The following PIEZO2 variants were observed in gnomAD, a reference collection of about 807,000 sequenced individuals.
PIEZO2 encodes piezo-type mechanosensitive ion channel component 2.
PIEZO2 carries 172 observed loss-of-function variants against 337.3 expected under a neutral mutation model. That is an observed-to-expected ratio of 0.51 (90% CI 0.45 to 0.58). The LOEUF (loss-of-function observed/expected upper bound fraction) is 0.58, where lower values mean the gene tolerates loss of function less well. PIEZO2 is among the 20% of genes least tolerant of loss of function. PIEZO2 has a pLI of 0.00. For synonymous variants in PIEZO2, 1,251 were observed against 1,228.5 expected (o/e 1.02, Z -0.38); for missense variants, 3,028 against 3,391.3 (o/e 0.89, Z 2.66).
intron 49 of PIEZO2, among the ~76,000 whole-genome samples, chr18:10,684,098 T>TTC (rs1276035639): frequency 2.1e-4 from 6 of 28,982 alleles, no homozygotes; most frequent in South Asian, 1.7e-3. Flanking sequence ...CCTTCCTTCT[T>TTC]TCTCTCTCTC....
chr18:10,879,254 G>C (rs546790881), intron 4 of PIEZO2, among the ~76,000 whole-genome samples: 1 of 152,274 alleles, frequency 6.6e-6, no homozygotes, highest in South Asian at 2.1e-4. Context: ...TGAGACCAAT[G>C]TGTCCATTTT....
At chr18:11,118,536 T>A (rs1248562828) in intron 1 of PIEZO2, among the ~76,000 whole-genome samples, 1 of 152,164 alleles carries the variant, frequency 6.6e-6, no homozygotes, top group Non-Finnish European at 1.5e-5. Flanking sequence ...TGCCAACCAA[T>A]GCTGGAATGT....
Position 10,758,139 on chromosome 18 carries a change from C to T in PIEZO2, c.3758-5G>A. On this transcript the variant is annotated splice_region_variant and splice_polypyrimidine_tract_variant and intron_variant, in intron 26 of 55. Coordinates refer to ENST00000674853, the MANE Select transcript of PIEZO2 (RefSeq NM_001378183.1). ...ACAGAAGCAGCATGAAGTCATCTAA[C>T]AAGACAGAGGTGAGATCATTAAGCC... 1 of 1,537,152 alleles carries T rather than the reference C, an allele frequency of 6.5e-7. No individual in the cohort carries two copies. Among genetic ancestry groups the T allele is most frequent in the Non-Finnish European group, 8.7e-7 (1 of 1,146,644 alleles).
chr18:10,913,494 C>T (rs56067294), intron 3 of PIEZO2, among the ~76,000 whole-genome samples: 3,838 of 152,216 alleles, frequency 0.025, 182 homozygotes, highest in African/African-American at 0.088. Context: ...TCTACATTTC[C>T]ACTGTTTTCT....
chr18:10,725,421 CG>C lies in PIEZO2; in HGVS notation c.5029+5985del. 4 of 1,603,202 alleles carry C rather than the reference CG, an allele frequency of 2.5e-6. No homozygotes were observed. The East Asian group carries it at 6.7e-5, about 27-fold the overall frequency. ...ATTGGCGGTCAACCTGACCAGAGCC[CG>C]CCAGTACTGGTTGGAGGGCATGCTG... On this transcript the variant is annotated intron_variant, in intron 36 of 55. Transcript: ENST00000674853.
chr18:10,923,630 T>C (rs966851856), intron 3 of PIEZO2, among the ~76,000 whole-genome samples: 1 of 152,218 alleles, frequency 6.6e-6, no homozygotes, highest in African/African-American at 2.4e-5. Flanking sequence ...CTCAAATATG[T>C]TTCAGTAGCT....
chr18:10,957,086 AG>A (rs1316361446), intron 3 of PIEZO2, among the ~76,000 whole-genome samples: 13 of 151,972 alleles, frequency 8.6e-5, no homozygotes, highest in African/African-American at 3.1e-4. Flanking sequence ...AAATGGGGAA[AG>A]GACAGTCTCC....
At chr18:10,761,529 C>T (rs2038134434) in intron 23 of PIEZO2, among the ~76,000 whole-genome samples, 2 of 152,170 alleles carry the variant, frequency 1.3e-5, no homozygotes, top group Admixed American at 1.3e-4. Context: ...TTGAACACTC[C>T]TGAAATCTGG....
Position 10,961,392 on chromosome 18 carries a change from T to G in PIEZO2, c.286+18143A>C, listed in dbSNP as rs141730635. On this transcript the variant is annotated intron_variant, in intron 3 of 55. Coordinates refer to ENST00000674853, the MANE Select transcript of PIEZO2 (RefSeq NM_001378183.1). The stretch of plus-strand genomic sequence containing the variant: ...ACGCAAAGGCATAAGAATGATACAA[T>G]GGACTTTGGGACTTGTGGGGAAGTG... Among the ~76,000 whole-genome samples, 572 of 109,956 alleles carry G rather than the reference T, an allele frequency of 5.2e-3. 7 individuals are homozygous for G. Among genetic ancestry groups the G allele is most frequent in the African/African-American group, 0.02 (555 of 27,542 alleles). 72.1% of individuals were successfully genotyped at this position (109,956 alleles called of 152,430 possible). A position where few individuals can be genotyped will look rare whatever the true frequency, so the allele number is the denominator to read the frequency against.
At chr18:10,723,127 C>T (rs2143980296) in intron 36 of PIEZO2, among the ~76,000 whole-genome samples, 1 of 152,048 alleles carries the variant, frequency 6.6e-6, no homozygotes, top group Admixed American at 6.5e-5. Flanking sequence ...ACCACCACAC[C>T]CAGTTAATTT....
In PIEZO2 at chr18:10,815,427, T is replaced by C. The variant is rs936780320; in HGVS notation, c.918-8153A>G. The stretch of plus-strand genomic sequence containing the variant: ...TGGAAAATGAGGCTAGTAAATAACG[T>C]ATCTCAAAGAGGTAATGTGAAGACC... On this transcript the variant is annotated intron_variant, in intron 7 of 55. Coordinates refer to ENST00000674853, the MANE Select transcript of PIEZO2 (RefSeq NM_001378183.1). The surrounding 1 kb of genome is among the most constrained non-coding windows in gnomAD (Gnocchi z 4.1). Among the ~76,000 whole-genome samples the C allele has an allele frequency of 6.6e-6, 1 of 152,190 alleles. No homozygotes were observed. The highest frequency in any genetic ancestry group is 2.4e-5 in the African/African-American group (1 of 41,434).
intron 2 of PIEZO2, among the ~76,000 whole-genome samples, chr18:11,043,320 A>C (rs1162253430): frequency 6.6e-6 from 1 of 152,220 alleles, no homozygotes; most frequent in Non-Finnish European, 1.5e-5. Context: ...ATTAGACAAT[A>C]AAATACAGCA....
intron 1 of PIEZO2, among the ~76,000 whole-genome samples, chr18:11,145,767 A>T (rs1281646637): frequency 1.3e-5 from 2 of 152,164 alleles, no homozygotes; most frequent in Non-Finnish European, 2.9e-5. Context: ...CCTGTAAGTA[A>T]GTATCATGAT....
intron 2 of PIEZO2, among the ~76,000 whole-genome samples, chr18:11,060,504 T>G (rs534722298): frequency 6.6e-6 from 1 of 151,988 alleles, no homozygotes; most frequent in African/African-American, 2.4e-5. Context: ...ATTGATAGAC[T>G]GCTAGCAAGA....
At chr18:11,093,473 G>A (rs2039159924) in intron 1 of PIEZO2, among the ~76,000 whole-genome samples, 1 of 151,452 alleles carries the variant, frequency 6.6e-6, no homozygotes, top group Admixed American at 6.6e-5. Context: ...GTCAACTTCA[G>A]TTGGGGACTC....
chr18:10,715,983 A>C (rs1291346034), intron 37 of PIEZO2, among the ~76,000 whole-genome samples, 167 bp from the exon 38 acceptor site: 1 of 152,222 alleles, frequency 6.6e-6, no homozygotes, highest in Non-Finnish European at 1.5e-5. Flanking sequence ...GCTGCCATGC[A>C]GGAAGCTTTT....
chr18:10,871,481 T>G (rs1261180210), intron 4 of PIEZO2, 66 bp from the exon 5 acceptor site: 14 of 1,392,140 alleles, frequency 1.0e-5, no homozygotes, highest in Non-Finnish European at 1.2e-5. Flanking sequence ...TTAAACTGCC[T>G]TATAGGATGT....
chr18:10,865,689 T>C lies in PIEZO2; in HGVS notation c.492+5564A>G, dbSNP rs535383673. Among the ~76,000 whole-genome samples, 261 of 152,270 alleles carry C rather than the reference T, an allele frequency of 1.7e-3. 1 individual carries two copies. Among genetic ancestry groups the C allele is most frequent in the Admixed American group, 3.7e-3 (57 of 15,286 alleles). ...TTTTCAAAGCAATATGGGGAACCTATTTACATTAAGTGGGTGGAAATTCTA... is the reference window on the plus strand; with the variant it reads ...TTTTCAAAGCAATATGGGGAACCTACTTACATTAAGTGGGTGGAAATTCTA... On this transcript the variant is annotated intron_variant, in intron 5 of 55. Coordinates refer to ENST00000674853, the MANE Select transcript of PIEZO2 (RefSeq NM_001378183.1).
At chr18:10,772,121 C>T (rs558600928) in intron 20 of PIEZO2, among the ~76,000 whole-genome samples, 1 of 152,162 alleles carries the variant, frequency 6.6e-6, no homozygotes, top group Non-Finnish European at 1.5e-5. Context: ...ACTCTTCTAT[C>T]TGTGTAATTG....
Sources: allele counts gnomAD v4.1 joint callset (sites outside exome capture counted in the v4.1 genomes callset), GRCh38; gene constraint gnomAD v4.1.1; non-coding constraint Gnocchi (gnomAD v3.1); transcripts MANE v1.5; gene names NCBI Gene and HGNC (gene_info 2026-07-23, HGNC 2026-07-21).